Variants in CRYBG2 observed in about 807,000 individuals in gnomAD.
The protein encoded by CRYBG2 is crystallin beta-gamma domain containing 2, also known as beta/gamma crystallin domain-containing protein 2.
CRYBG2 carries 106 observed loss-of-function variants against 153.4 expected under a neutral mutation model. The ratio of observed to expected loss-of-function variants is 0.69; its 90% CI spans 0.59 to 0.81. CRYBG2 has a LOEUF of 0.81. Among genes scored for constraint, CRYBG2 ranks in the 30% least tolerant of loss-of-function variants. CRYBG2 has a pLI of 0.00. For synonymous variants in CRYBG2, 851 were observed against 877.8 expected, an observed-to-expected ratio of 0.97 and a Z score of 0.54; for missense variants, 1,996 against 2,112.0, an observed-to-expected ratio of 0.95 and a Z score of 1.08.
At chr1:26,335,976 G>T (rs774002485) in intron 14 of CRYBG2, 119 bp downstream of exon 14, 176 of 750,438 alleles carry the variant, frequency 2.3e-4, no homozygotes, top group Non-Finnish European at 3.4e-4. Context: ...TTAAAATTGC[G>T]CAAGACAGAA....
At chr1:26,349,542 G>A (rs2074264773) in intron 1 of CRYBG2, among the ~76,000 whole-genome samples, 1 of 151,884 alleles carries the variant, frequency 6.6e-6, no homozygotes, top group South Asian at 2.1e-4. Context: ...GATCTCTCTG[G>A]GTCTCCATAG....
intron 1 of CRYBG2, among the ~76,000 whole-genome samples, chr1:26,348,082 T>C (rs946591553): frequency 6.6e-6 from 1 of 152,220 alleles, no homozygotes. Context: ...TACAGGCACA[T>C]GCCACCACAC....
At position 26,346,419 on chromosome 1, in the gene CRYBG2, C is replaced by T. The variant is rs770577940; in HGVS notation, c.239G>A (p.Gly80Asp). Residue 80 changes from glycine to aspartate, a missense_variant, in exon 2 of 20, where the codon GGC becomes GAC. Physicochemically the swap from Gly to Asp is moderately conservative, Grantham distance 94. Transcript: ENST00000308182. This position sits in a 1 kb window ranked among gnomAD's most constrained non-coding sequence, Gnocchi z 4.9. Reference protein sequence around the residue: ...TQEEETVNCQGPRDTAGSKNF... With the variant: ...TQEEETVNCQDPRDTAGSKNF... ...CTTGGAGCCAGCTGTATCCCGAGGG[C>T]CCTGGCAATTCACAGTCTCTTCTTC... 1.9e-6 allele frequency: 3 copies of T among 1,600,786 alleles called. No homozygotes were observed. Among genetic ancestry groups the T allele is most frequent in the Non-Finnish European group, 2.5e-6 (3 of 1,179,656 alleles).
rs1429028058 is a variant in CRYBG2, at chr1:26,345,983, T to G, written c.675A>C (p.Pro225=). 1 of 1,593,612 alleles carries G rather than the reference T, an allele frequency of 6.3e-7. No individual in the cohort carries two copies. The highest frequency in any genetic ancestry group is 1.1e-5 in the South Asian group (1 of 90,734). ...CCTGGCTGCGGCTGGGCGAGCCTGG[T>G]GGGGAGCCCACCACCACTGGCGGCA... The part of the protein sequence containing the change: ...RMVPPVVVGS[P]PGSPSRSQAV... Residue 225 remains proline (P), a synonymous_variant, in exon 2 of 20, where the codon CCA becomes CCC. Transcript: ENST00000308182.
Position 26,336,041 on chromosome 1 carries a change from G to A in CRYBG2, c.4184+54C>T. 9 of 1,341,280 alleles carry A rather than the reference G, an allele frequency of 6.7e-6. No individual in the cohort carries two copies. Among genetic ancestry groups the A allele is most frequent in the Non-Finnish European group, 8.0e-6 (8 of 1,002,706 alleles). 83.1% of individuals were successfully genotyped at this position (1,341,280 alleles called of 1,614,324 possible). On this transcript the variant is annotated intron_variant, in intron 14 of 19. Transcript: ENST00000308182. The surrounding 1 kb of genome is among the most constrained non-coding windows in gnomAD (Gnocchi z 4.9). ...AAATCATTTGAAAGACTCTCCTCCT[G>A]CAGCCCCGCCTCTGCCCCAGCGCCC...
intron 15 of CRYBG2, among the ~76,000 whole-genome samples, chr1:26,329,324 G>A (rs1005929223): frequency 2.0e-5 from 3 of 150,534 alleles, no homozygotes; most frequent in Non-Finnish European, 4.4e-5. Context: ...TTACAGGCAC[G>A]CACCACCATC....
At chr1:26,326,710 T>G (rs1421116885) in intron 17 of CRYBG2, 2 of 339,154 alleles carry the variant, frequency 5.9e-6, no homozygotes, top group African/African-American at 4.2e-5. Context: ...TGACATATTG[T>G]CATAGGCTTT....
chr1:26,332,306 C>CAAA (rs567865951), intron 14 of CRYBG2, among the ~76,000 whole-genome samples: 2 of 71,424 alleles, frequency 2.8e-5, no homozygotes, highest in East Asian at 4.1e-4. Context: ...GACTCCGTGT[C>CAAA]AAAAAAAAAA....
chr1:26,330,988 T>A (rs2073991208), intron 15 of CRYBG2, among the ~76,000 whole-genome samples: 1 of 152,188 alleles, frequency 6.6e-6, no homozygotes, highest in South Asian at 2.1e-4. Flanking sequence ...TCCATCCATC[T>A]CTTCCTAGGT....
At position 26,331,528 on chromosome 1, in the gene CRYBG2, G is replaced by T. The variant is rs138274119; in HGVS notation, c.4275C>A (p.Leu1425=). 1.9e-6 allele frequency: 3 copies of T among 1,613,988 alleles called. No homozygotes were observed. The highest frequency in any genetic ancestry group is 2.5e-6 in the Non-Finnish European group (3 of 1,180,032). The change falls in exon 15 of 20, where the codon CTC becomes CTA. Residue 1425 remains leucine (L), a synonymous_variant. Coordinates refer to ENST00000308182, the MANE Select transcript of CRYBG2 (RefSeq NM_001039775.4). The stretch of plus-strand genomic sequence containing the variant: ...GGAGAGAGCCCAGGACTGTGGAGGC[G>T]AGGCAGCCCATGGCCGTGAGAGTGG... ...EFPTLTAMGC[L]ASTVLGSLQK...
At chr1:26,337,947 C>T (rs2074082243) in intron 8 of CRYBG2, 65 bp downstream of exon 8, 9 of 1,577,080 alleles carry the variant, frequency 5.7e-6, no homozygotes, top group Non-Finnish European at 7.8e-6. Context: ...GTCCAGACCA[C>T]GATAACCAAA....
chr1:26,353,035 C>T (rs1329946870), intron 1 of CRYBG2, among the ~76,000 whole-genome samples: 1 of 152,134 alleles, frequency 6.6e-6, no homozygotes, highest in Non-Finnish European at 1.5e-5. Flanking sequence ...CTCAACCCTC[C>T]ACTCTCTGCA....
rs747222619 is a variant in CRYBG2, at chr1:26,321,957, G to C, written c.*11C>G. 24 of 1,553,046 alleles carry C rather than the reference G, an allele frequency of 1.5e-5. No homozygotes were observed. In the African/African-American group the frequency reaches 2.5e-4, roughly 16 times the overall value. On this transcript the variant is annotated 3_prime_UTR_variant, in exon 20 of 20. Transcript: ENST00000308182. Reference sequence around the variant, plus strand: ...AAAAGCCTCCAGGGCTGGAGGGTGAGGGGAAAAGTTTCAAAGCACGTGGAT... The same window carrying C: ...AAAAGCCTCCAGGGCTGGAGGGTGACGGGAAAAGTTTCAAAGCACGTGGAT...
Position 26,346,773 on chromosome 1 carries a change from G to A in CRYBG2, c.-55-61C>T. ...GGTGAGAGTGGCTTCCTAAAGTGCA[G>A]AATAACCACCCCTACCCAAGTCAGG... On this transcript the variant is annotated intron_variant, in intron 1 of 19. Coordinates refer to ENST00000308182, the MANE Select transcript of CRYBG2 (RefSeq NM_001039775.4). The surrounding 1 kb of genome is among the most constrained non-coding windows in gnomAD (Gnocchi z 4.9). 1 of 1,156,612 alleles carries A rather than the reference G, an allele frequency of 8.6e-7. No homozygotes were observed. The highest frequency in any genetic ancestry group is 1.2e-6 in the Non-Finnish European group (1 of 840,066). 71.6% of individuals were successfully genotyped at this position (1,156,612 alleles called of 1,614,324 possible). A position where few individuals can be genotyped will look rare whatever the true frequency, so the allele number is the denominator to read the frequency against.
At chr1:26,351,909 G>A (rs919970646) in intron 1 of CRYBG2, among the ~76,000 whole-genome samples, 5 of 152,236 alleles carry the variant, frequency 3.3e-5, no homozygotes, top group African/African-American at 1.2e-4. Context: ...GACCCAGGAT[G>A]CCTCTCCTGG....
rs2073863617 is a variant in CRYBG2 at position 26,322,040 on chromosome 1, G to A, written c.4914C>T (p.Asp1638=). 1 of 1,606,830 alleles carries A rather than the reference G, an allele frequency of 6.2e-7. No homozygotes were observed. The highest frequency in any genetic ancestry group is 1.1e-5 in the South Asian group (1 of 90,860). Residue 1638 remains aspartate, a synonymous_variant, in exon 20 of 20, where the codon GAC becomes GAT. Transcript: ENST00000308182. ...ILDVKGGRGY[D]RDHVVLWEPD... ...GCTCCCATAGCACCACGTGGTCCCG[G>A]TCGTAGCCCCGGCCTCCTGGGGGTG...
chr1:26,336,590 C>G lies in CRYBG2; in HGVS notation c.4038+16G>C. The stretch of plus-strand genomic sequence containing the variant: ...CCGCCACCGGGGAGGCCCCGCCCCC[C>G]GCGGCCGGCACGCACCTGTAGGACC... On this transcript the variant is annotated intron_variant, in intron 12 of 19. Coordinates refer to ENST00000308182, the MANE Select transcript of CRYBG2 (RefSeq NM_001039775.4). This position sits in a 1 kb window ranked among gnomAD's most constrained non-coding sequence, Gnocchi z 4.9. The G allele has an allele frequency of 6.5e-7, 1 of 1,545,576 alleles. No individual in the cohort carries two copies. The highest frequency in any genetic ancestry group is 1.4e-5 in the African/African-American group (1 of 72,678).
In CRYBG2 at chr1:26,336,445, G is replaced by T. The variant is rs769089602; in HGVS notation, c.4039-75C>A. On this transcript the variant is annotated intron_variant, in intron 12 of 19. Transcript: ENST00000308182. The surrounding 1 kb of genome is among the most constrained non-coding windows in gnomAD (Gnocchi z 4.9). ...CTTGTCTTCTCTAGGTTTCAGTACC[G>T]TCCACCCCGCGGCCGCGCCCTCGGC... 5 of 1,577,666 alleles carry T rather than the reference G, an allele frequency of 3.2e-6. No individual in the cohort carries two copies. The highest frequency in any genetic ancestry group is 1.2e-5 in the South Asian group (1 of 86,480).
chr1:26,344,492 G>A lies in CRYBG2; in HGVS notation c.2166C>T (p.Thr722=), dbSNP rs1458302027. The change falls in exon 2 of 20, where the codon ACC becomes ACT. Residue 722 remains threonine (T), a synonymous_variant. Coordinates refer to ENST00000308182, the MANE Select transcript of CRYBG2 (RefSeq NM_001039775.4). ...VDRVSPSPGG[T]PAPVPTGAEA... is the part of the protein sequence containing the mutation. Reference sequence around the variant, plus strand: ...CTGCTCCTGTTGGCACTGGGGCAGGGGTGCCTCCTGGGCTGGGGGACACCC... The same window carrying A: ...CTGCTCCTGTTGGCACTGGGGCAGGAGTGCCTCCTGGGCTGGGGGACACCC... The A allele has an allele frequency of 2.6e-6, 4 of 1,544,792 alleles. No individual in the cohort carries two copies. The highest frequency in any genetic ancestry group is 2.4e-5 in the South Asian group (2 of 83,440).
Sources: gnomAD v4.1 joint callset for allele counts (sites outside exome capture counted in the v4.1 genomes callset) on GRCh38, gnomAD v4.1.1 for gene constraint, Gnocchi (gnomAD v3.1) non-coding constraint, MANE v1.5 for transcripts, NCBI Gene and HGNC (gene_info 2026-07-23, HGNC 2026-07-21) for gene names.